ERICH6: variants seen among roughly 807,000 people sequenced by gnomAD.
ERICH6 encodes the protein glutamate-rich protein 6.
In ERICH6, 71 loss-of-function variants were observed where a neutral mutation model predicts 71.0. That is an observed-to-expected ratio of 1.00 (90% confidence interval 0.83 to 1.22). The LOEUF (loss-of-function observed/expected upper bound fraction) is 1.22, where lower values mean the gene tolerates loss of function less well. Among genes scored for constraint, ERICH6 ranks in the 50% most tolerant of loss-of-function variants. The pLI is 0.00. For missense variants in ERICH6, 808 were observed against 797.2 expected, an observed-to-expected ratio of 1.01 and a Z score of -0.16; for synonymous variants, 262 against 278.4, an observed-to-expected ratio of 0.94 and a Z score of 0.59.
chr3:150,686,847 A>G (rs190209278), intron 3 of ERICH6, among the ~76,000 whole-genome samples: 2 of 152,302 alleles, frequency 1.3e-5, no homozygotes, highest in Admixed American at 1.3e-4. Flanking sequence ...AATTGCCAAC[A>G]TCACTTCTCT....
chr3:150,700,269 AT>A (rs1712822624), intron 2 of ERICH6, among the ~76,000 whole-genome samples: 1 of 76,494 alleles, frequency 1.3e-5, no homozygotes, highest in East Asian at 3.6e-4. Context: ...TTTTTTTTGT[AT>A]TTTTAGTAGA....
At chr3:150,703,467 T>C in intron 1 of ERICH6, 29 bp downstream of exon 1, 1 of 1,537,980 alleles carries the variant, frequency 6.5e-7, no homozygotes, top group Middle Eastern at 1.9e-4. Context: ...CGAGAAACCC[T>C]CGAGGAAGGG....
chr3:150,678,156 C>T (rs184911697), intron 10 of ERICH6, among the ~76,000 whole-genome samples: 1 of 152,234 alleles, frequency 6.6e-6, no homozygotes, highest in East Asian at 1.9e-4. Flanking sequence ...ATTTTCTTCC[C>T]TTCCTTTTAA....
chr3:150,699,883 A>G (rs1049495057), intron 2 of ERICH6, among the ~76,000 whole-genome samples: 1 of 152,046 alleles, frequency 6.6e-6, no homozygotes, highest in Admixed American at 6.6e-5. Context: ...AATCCTGAAG[A>G]TACTGAAAAT....
chr3:150,666,738 T>C (rs1727426221), intron 13 of ERICH6, 49 bp downstream of exon 13: 4 of 1,517,356 alleles, frequency 2.6e-6, no homozygotes, highest in African/African-American at 1.4e-5. Context: ...GTTAGTTTAC[T>C]CTTATTATTA....
chr3:150,663,515 C>T (rs1727294670), intron 13 of ERICH6, among the ~76,000 whole-genome samples: 1 of 151,648 alleles, frequency 6.6e-6, no homozygotes, highest in Admixed American at 6.6e-5. Flanking sequence ...AGTGCAGCAG[C>T]ACAATCACGG....
rs774710133 is a variant in ERICH6 at position 150,680,879 on chromosome 3, G to A, written c.934C>T (p.Gln312Ter). 6.8e-6 allele frequency: 11 copies of A among 1,613,806 alleles called. No homozygotes were observed. In the East Asian group the frequency reaches 2.5e-4, roughly 36 times the overall value. The change falls in exon 8 of 14, where the codon CAA becomes TAA. Residue 312 changes from glutamine to a stop codon, truncating the protein, a stop_gained. Coordinates refer to ENST00000295910, the MANE Select transcript of ERICH6 (RefSeq NM_152394.5). LOFTEE classifies it high-confidence loss of function. The part of the protein sequence containing the change: ...QNLIDYIYEE[Q>*]IKTKPPKAEL... ...GCTTTAGGGGGTTTGGTTTTTATTT[G>A]CTCCTCATAGATATAGTCAATCAGA...
intron 6 of ERICH6, among the ~76,000 whole-genome samples, chr3:150,683,608 G>T (rs950841194): frequency 6.6e-6 from 1 of 152,074 alleles, no homozygotes; most frequent in Non-Finnish European, 1.5e-5. Flanking sequence ...TCAAAAATTA[G>T]CCAGGCACGG....
chr3:150,697,071 A>G (rs945844436), intron 3 of ERICH6, among the ~76,000 whole-genome samples: 10 of 152,218 alleles, frequency 6.6e-5, no homozygotes, highest in African/African-American at 2.4e-4. Context: ...AACAATTACA[A>G]AGAATTTTTA....
rs572886188 is a variant in ERICH6 at position 150,693,830 on chromosome 3, A to G, written c.553+4961T>C. ...TTTCTACAGTTTGGACTGAATTCTA[A>G]TTTTTCTTGGTTACAAATCTTCAAA... On this transcript the variant is annotated intron_variant, in intron 3 of 13. Coordinates refer to ENST00000295910, the MANE Select transcript of ERICH6 (RefSeq NM_152394.5). Among the ~76,000 whole-genome samples the G allele has an allele frequency of 7.2e-5, 11 of 152,148 alleles. No homozygotes were observed. In the East Asian group the frequency reaches 1.9e-3, roughly 27 times the overall value.
At chr3:150,693,813 G>A (rs975979783) in intron 3 of ERICH6, among the ~76,000 whole-genome samples, 1 of 152,086 alleles carries the variant, frequency 6.6e-6, no homozygotes, top group Non-Finnish European at 1.5e-5. Flanking sequence ...ATTTTCTACA[G>A]TTTGGACTGA....
intron 9 of ERICH6, among the ~76,000 whole-genome samples, chr3:150,679,791 G>A (rs559045366): frequency 2.8e-4 from 42 of 152,182 alleles, no homozygotes; most frequent in African/African-American, 1.0e-3. Context: ...CCGAGTAGCT[G>A]AGATTACAGG....
intron 6 of ERICH6, among the ~76,000 whole-genome samples, chr3:150,682,796 T>A (rs1712022348): frequency 6.6e-6 from 1 of 152,200 alleles, no homozygotes. Context: ...ACATGTACAA[T>A]GACCAACTTT....
In ERICH6 at chr3:150,693,068, G is replaced by A. The variant is rs901738309; in HGVS notation, c.553+5723C>T. Reference sequence around the variant, plus strand: ...CCTTTGTTTTGTTTTTCAGACTCAAGAAAACTTTTAAGCTATTTACAGCTT... The same window carrying A: ...CCTTTGTTTTGTTTTTCAGACTCAAAAAAACTTTTAAGCTATTTACAGCTT... On this transcript the variant is annotated intron_variant, in intron 3 of 13. Coordinates refer to ENST00000295910, the MANE Select transcript of ERICH6 (RefSeq NM_152394.5). Among the ~76,000 whole-genome samples, 5 of 152,116 alleles carry A rather than the reference G, an allele frequency of 3.3e-5. No homozygotes were observed. The South Asian group carries it at 1.0e-3, about 31-fold the overall frequency.
rs771799576 is a variant in ERICH6 at position 150,666,906 on chromosome 3, G to A, written c.1609C>T (p.Pro537Ser). The change falls in exon 13 of 14, where the codon CCT becomes TCT. Residue 537 changes from proline to serine, a missense_variant. Pro to Ser is a moderately conservative substitution (Grantham distance 74). Transcript: ENST00000295910. Reference sequence around the variant, plus strand: ...TAACGGTTCAAAGCCAGAAAGACAGGTTTAAATGAAACAAAGGGTGAGGAA... The same window carrying A: ...TAACGGTTCAAAGCCAGAAAGACAGATTTAAATGAAACAAAGGGTGAGGAA... ...ITSSPFVSFK[P>S]VFLALNRYIG... 46 of 1,614,030 alleles carry A rather than the reference G, an allele frequency of 2.9e-5. 2 individuals are homozygous for A. The South Asian group carries it at 5.0e-4, about 18-fold the overall frequency.
At position 150,682,314 on chromosome 3, in the gene ERICH6, A is replaced by G; in HGVS notation, c.786T>C (p.Asp262=). The change falls in exon 7 of 14, where the codon GAT becomes GAC. Residue 262 remains aspartate, a splice_region_variant and synonymous_variant. Transcript: ENST00000295910. The part of the protein sequence containing the change: ...ESSNLGINFK[D]EEEETSPKCE... ...ATTTGGGTGATGTCTCCTCCTCTTCATCCTTCAGAGAGAGAGGAAAAAAAT... is the reference window on the plus strand; with the variant it reads ...ATTTGGGTGATGTCTCCTCCTCTTCGTCCTTCAGAGAGAGAGGAAAAAAAT... The G allele has an allele frequency of 1.9e-6, 3 of 1,611,868 alleles. No individual in the cohort carries two copies. The highest frequency in any genetic ancestry group is 2.5e-6 in the Non-Finnish European group (3 of 1,179,480).
intron 7 of ERICH6, 110 bp downstream of exon 7, chr3:150,682,108 C>T (rs1242324606): frequency 1.1e-6 from 1 of 939,214 alleles, no homozygotes; most frequent in African/African-American, 1.7e-5. Context: ...AGCCATCAAG[C>T]CCGGCCTAAC....
intron 2 of ERICH6, among the ~76,000 whole-genome samples, 158 bp downstream of exon 2, chr3:150,701,963 T>A (rs1341945534): frequency 6.6e-6 from 1 of 152,202 alleles, no homozygotes; most frequent in African/African-American, 2.4e-5. Flanking sequence ...AACCTTTATC[T>A]CTTTCAAAGT....
At chr3:150,682,364 C>T in intron 6 of ERICH6, 48 bp from the exon 7 acceptor site, 4 of 1,431,756 alleles carry the variant, frequency 2.8e-6, no homozygotes, top group Non-Finnish European at 3.9e-6. Context: ...CAAAGAGGCC[C>T]AGAGGCTCTG....
Sources: allele counts gnomAD v4.1 joint callset (sites outside exome capture counted in the v4.1 genomes callset), GRCh38; gene constraint gnomAD v4.1.1; transcripts MANE v1.5; gene names NCBI Gene and HGNC (gene_info 2026-07-23, HGNC 2026-07-21).